The following LRP5 variants were observed in gnomAD, a reference collection of about 807,000 sequenced individuals.
LRP5 encodes the protein LDL receptor related protein 5, also known as low-density lipoprotein receptor-related protein 5.
In LRP5, 62 loss-of-function variants were observed where a neutral mutation model predicts 154.1. That is an observed-to-expected ratio of 0.40 (90% confidence interval 0.33 to 0.50). LRP5 has a LOEUF of 0.50. Among genes scored for constraint, LRP5 ranks in the 20% least tolerant of loss-of-function variants. The pLI, the probability that LRP5 is intolerant of heterozygous loss-of-function variation, is 0.55. For synonymous variants in LRP5, 966 were observed against 1,011.5 expected (o/e 0.96, Z 0.85); for missense variants, 1,915 against 2,336.7 (o/e 0.82, Z 3.72).
Position 68,413,497 on chromosome 11 carries a change from G to A in LRP5, c.2504-192G>A, listed in dbSNP as rs1435336603. On this transcript the variant is annotated intron_variant, in intron 11 of 22. Coordinates refer to ENST00000294304, the MANE Select transcript of LRP5 (RefSeq NM_002335.4). The surrounding 1 kb of genome is among the most constrained non-coding windows in gnomAD (Gnocchi z 5.1). ...TTAGCAACTGTGTGACTGTAGCCAG[G>A]TCACTTAATTTTGCTAGATCCTGCC... Among the ~76,000 whole-genome samples, 1 of 152,178 alleles carries A rather than the reference G, an allele frequency of 6.6e-6. No homozygotes were observed. The highest frequency in any genetic ancestry group is 1.5e-5 in the Non-Finnish European group (1 of 68,040).
In LRP5 at chr11:68,346,714, G is replaced by GC. The variant is rs1309500043; in HGVS notation, c.92-1133_92-1132insC. Among the ~76,000 whole-genome samples, 3 of 152,334 alleles carry GC rather than the reference G, an allele frequency of 2.0e-5. No individual in the cohort carries two copies. In the East Asian group the frequency reaches 5.8e-4, roughly 29 times the overall value. ...TCAGCTGTTTCAAGCCAAGGCTTCA[G>GC]ATGTTTTTTGGGGGTGTTTGTGGCC... On this transcript the variant is annotated intron_variant, in intron 1 of 22. Transcript: ENST00000294304.
At chr11:68,322,139 G>A (rs2098597105) in intron 1 of LRP5, among the ~76,000 whole-genome samples, 1 of 152,198 alleles carries the variant, frequency 6.6e-6, no homozygotes, top group African/African-American at 2.4e-5. Context: ...GCGTGGCCGT[G>A]CTGCCCTGGC....
intron 1 of LRP5, among the ~76,000 whole-genome samples, chr11:68,327,620 G>A (rs1179131371): frequency 6.6e-6 from 1 of 152,210 alleles, no homozygotes; most frequent in African/African-American, 2.4e-5. Context: ...CTCCCCATCT[G>A]TAAAATGGGG....
chr11:68,397,972 T>TTGTTTG, intron 7 of LRP5, among the ~76,000 whole-genome samples: 1 of 142,092 alleles, frequency 7.0e-6, no homozygotes, highest in East Asian at 2.1e-4. Flanking sequence ...CTGTGTGTGT[T>TTGTTTG]TGTGTGTGTG....
chr11:68,401,784 G>A (rs1302345751), intron 7 of LRP5, among the ~76,000 whole-genome samples: 1 of 152,094 alleles, frequency 6.6e-6, no homozygotes, highest in East Asian at 1.9e-4. Flanking sequence ...CGCTAGCTGC[G>A]TTCCAGCGAT....
intron 1 of LRP5, among the ~76,000 whole-genome samples, chr11:68,317,387 C>A (rs2098594033): frequency 6.6e-6 from 1 of 152,254 alleles, no homozygotes; most frequent in Non-Finnish European, 1.5e-5. Flanking sequence ...TGACTGAGAG[C>A]CAGTCCCCAG....
chr11:68,349,849 T>A (rs886825436), intron 2 of LRP5, among the ~76,000 whole-genome samples: 7 of 152,246 alleles, frequency 4.6e-5, no homozygotes, highest in Non-Finnish European at 2.9e-5. Context: ...CTGGGGGCCG[T>A]ACACACACCC....
chr11:68,349,083 A>AGT (rs1174889748), intron 2 of LRP5, among the ~76,000 whole-genome samples: 1 of 129,704 alleles, frequency 7.7e-6, no homozygotes, highest in Non-Finnish European at 1.6e-5. Context: ...CCCAGGCTGG[A>AGT]GTGCAGTGGC....
chr11:68,396,903 C>T (rs750115799), intron 7 of LRP5, among the ~76,000 whole-genome samples: 4 of 152,202 alleles, frequency 2.6e-5, no homozygotes, highest in South Asian at 2.1e-4. Context: ...GTGTGAAGCC[C>T]GAGTGGTCGT....
intron 21 of LRP5, among the ~76,000 whole-genome samples, chr11:68,444,582 C>T (rs1265062101): frequency 4.1e-5 from 5 of 123,118 alleles, no homozygotes; most frequent in African/African-American, 6.0e-5. Flanking sequence ...CCCCCACCCC[C>T]CACCCTGGGC....
intron 1 of LRP5, among the ~76,000 whole-genome samples, chr11:68,342,737 G>A (rs1418043174): frequency 1.3e-5 from 2 of 152,222 alleles, no homozygotes; most frequent in Non-Finnish European, 2.9e-5. Context: ...GGCTCTCCTG[G>A]CCTCCCCCGG....
At chr11:68,381,802 C>T (rs779461102) in intron 5 of LRP5, among the ~76,000 whole-genome samples, 30 of 152,250 alleles carry the variant, frequency 2.0e-4, no homozygotes, top group Non-Finnish European at 3.1e-4. Flanking sequence ...AGTCAGTCCC[C>T]TGCACCTGCC....
chr11:68,346,236 C>T (rs1565333303), intron 1 of LRP5, among the ~76,000 whole-genome samples: 1 of 152,236 alleles, frequency 6.6e-6, no homozygotes. Context: ...TTCACAGTGT[C>T]CCTCGTTGCC....
chr11:68,355,325 G>T (rs908231177), intron 2 of LRP5, among the ~76,000 whole-genome samples: 3 of 152,178 alleles, frequency 2.0e-5, no homozygotes, highest in Non-Finnish European at 4.4e-5. Flanking sequence ...AGGGGAATGG[G>T]GTTTGCCGCC....
At chr11:68,374,103 C>A (rs2098635972) in intron 5 of LRP5, among the ~76,000 whole-genome samples, 1 of 152,132 alleles carries the variant, frequency 6.6e-6, no homozygotes, top group Admixed American at 6.6e-5. Context: ...CTGTCAGGGA[C>A]AGGAAACAAA....
chr11:68,434,265 C>T (rs2098673619), intron 18 of LRP5, among the ~76,000 whole-genome samples: 1 of 152,224 alleles, frequency 6.6e-6, no homozygotes, highest in Non-Finnish European at 1.5e-5. Context: ...TTTGCTCAGG[C>T]ATCCTGGGCC....
chr11:68,335,534 A>G (rs1297270327), intron 1 of LRP5, among the ~76,000 whole-genome samples: 1 of 152,072 alleles, frequency 6.6e-6, no homozygotes, highest in Admixed American at 6.5e-5. Context: ...TGGACTCTAA[A>G]GCCTGGGTGA....
chr11:68,433,739 G>A lies in LRP5; in HGVS notation c.3901G>A (p.Ala1301Thr), dbSNP rs149166384. 176 of 1,612,722 alleles carry A rather than the reference G, an allele frequency of 1.1e-4. No individual in the cohort carries two copies. The East Asian group carries it at 1.8e-3, about 17-fold the overall frequency. Residue 1301 changes from alanine (A) to threonine (T), a missense_variant, in exon 18 of 23, where the codon GCC (alanine) becomes ACC (threonine). By Grantham distance (58) the Ala-to-Thr change is moderately conservative. Coordinates refer to ENST00000294304, the MANE Select transcript of LRP5 (RefSeq NM_002335.4). ...GGAGGGCTGCCCCGTGTGCTCCGCC[G>A]CCCAGTTCCCCTGCGCGCGGGGTCA... The part of the protein sequence containing the change: ...DEEGCPVCSA[A>T]QFPCARGQCV...
Position 68,404,976 on chromosome 11 carries a change from C to CA in LRP5, c.1801+1293dup, listed in dbSNP as rs57270982. 9.1e-3 allele frequency among the ~76,000 whole-genome samples: 371 copies of CA among 40,612 alleles called. 2 individuals are homozygous for CA. The highest frequency in any genetic ancestry group is 0.027 in the African/African-American group (275 of 10,202). 26.6% of individuals were successfully genotyped at this position (40,612 alleles called of 152,430 possible). On this transcript the variant is annotated intron_variant, in intron 8 of 22. Transcript: ENST00000294304. ...TGGGCGACAGAGCGAGACTCCGTCT[C>CA]AAAAAAAAAAAAAAAAGTCCAAAAA...
Sources: allele counts gnomAD v4.1 joint callset (sites outside exome capture counted in the v4.1 genomes callset), GRCh38; gene constraint gnomAD v4.1.1; non-coding constraint Gnocchi (gnomAD v3.1); transcripts MANE v1.5; gene names NCBI Gene and HGNC (gene_info 2026-07-23, HGNC 2026-07-21).